ZNF746: variants seen among roughly 807,000 people sequenced by gnomAD.
ZNF746 encodes the protein zinc finger protein 746.
In ZNF746, 13 loss-of-function variants were observed where a neutral mutation model predicts 41.0. The ratio of observed to expected loss-of-function variants is 0.32; its 90% confidence interval spans 0.21 to 0.50. The LOEUF (loss-of-function observed/expected upper bound fraction) is 0.50. ZNF746 is among the 20% of genes least tolerant of loss of function. ZNF746 has a pLI of 0.98. For synonymous variants in ZNF746, 424 were observed against 396.2 expected, an observed-to-expected ratio of 1.07 and a Z score of -0.83; for missense variants, 811 against 922.9, an observed-to-expected ratio of 0.88 and a Z score of 1.57.
chr7:149,479,377 T>C (rs548163012), intron 4 of ZNF746, among the ~76,000 whole-genome samples: 2 of 152,366 alleles, frequency 1.3e-5, no homozygotes, highest in African/African-American at 4.8e-5. Context: ...AGAAAACATC[T>C]GTCAACTCAT....
chr7:149,480,875 G>T (rs1329546730), intron 4 of ZNF746, among the ~76,000 whole-genome samples: 2 of 152,134 alleles, frequency 1.3e-5, no homozygotes, highest in African/African-American at 4.8e-5. Flanking sequence ...TATAAAGAGG[G>T]GTTCGAAGTT....
At chr7:149,491,132 C>G (rs911183525) in intron 4 of ZNF746, 2 of 152,762 alleles carry the variant, frequency 1.3e-5, no homozygotes, top group South Asian at 2.1e-4. Context: ...AAGGGATGAG[C>G]TGGGAGTCCT....
At position 149,474,831 on chromosome 7, in the gene ZNF746, ACCGCCG is replaced by A. The variant is rs778452903; in HGVS notation, c.1530_1535del (p.Gly513_Gly514del). ...GTGCGCTGCCCCCACCGCTGCCGCC[ACCGCCG>A]CCGCCACTGCCGCTGCCGCCACCGC... On this transcript the variant is annotated inframe_deletion, in exon 7 of 7. Transcript: ENST00000458143. The surrounding 1 kb of genome is among the most constrained non-coding windows in gnomAD (Gnocchi z 6.3). 1,370 of 1,414,460 alleles carry A rather than the reference ACCGCCG, an allele frequency of 9.7e-4. 2 individuals carry two copies. The highest frequency in any genetic ancestry group is 1.2e-3 in the Non-Finnish European group (1,298 of 1,091,316). 87.6% of individuals were successfully genotyped at this position (1,414,460 alleles called of 1,614,324 possible).
intron 4 of ZNF746, 60 bp downstream of exon 4, chr7:149,492,799 T>C: frequency 8.1e-7 from 1 of 1,235,030 alleles, no homozygotes; most frequent in East Asian, 2.4e-5. Context: ...CTTTCTGGCC[T>C]TTCCGTCTCT....
rs1017424834 is a variant in ZNF746 at position 149,473,850 on chromosome 7, G to A, written c.*534C>T. On this transcript the variant is annotated 3_prime_UTR_variant, in exon 7 of 7. Coordinates refer to ENST00000458143, the MANE Select transcript of ZNF746 (RefSeq NM_001394198.1). ...CCGGAGGGGTCCTTCCTGCTGCACT[G>A]AGGTGTGCTCCAAGGGACCCAATGG... is the stretch of plus-strand genomic sequence containing the variant. The A allele has an allele frequency of 1.9e-5, 3 of 160,348 alleles. No homozygotes were observed. The highest frequency in any genetic ancestry group is 7.2e-5 in the African/African-American group (3 of 41,464). The allele number at this position is 160,348 out of a possible 1,614,324, so 9.9% of individuals were successfully genotyped here.
chr7:149,476,129 A>T (rs1800293598), intron 6 of ZNF746, among the ~76,000 whole-genome samples: 1 of 152,156 alleles, frequency 6.6e-6, no homozygotes, highest in African/African-American at 2.4e-5. Context: ...CCTGGCTAAC[A>T]TGGTGAAACG....
At chr7:149,477,389 G>C (rs59184859) in intron 5 of ZNF746, among the ~76,000 whole-genome samples, 175 bp downstream of exon 5, 1,808 of 152,262 alleles carry the variant, frequency 0.012, 36 homozygotes, top group African/African-American at 0.042. Flanking sequence ...AGCCACCCGA[G>C]AGAGGCTCGA....
Position 149,474,826 on chromosome 7 carries a change from C to T in ZNF746, c.1541G>A (p.Gly514Asp). ...GGSGSGGGGGGSGGGSARDGS... is the reference protein window; with the variant it reads ...GGSGSGGGGGDSGGGSARDGS... ...ATCCCGTGCGCTGCCCCCACCGCTGCCGCCACCGCCGCCGCCACTGCCGCT... is the reference window on the plus strand; with the variant it reads ...ATCCCGTGCGCTGCCCCCACCGCTGTCGCCACCGCCGCCGCCACTGCCGCT... The change falls in exon 7 of 7, where the codon GGC (glycine) becomes GAC (aspartate). Residue 514 changes from glycine to aspartate, a missense_variant. This residue lies in a region of ZNF746 where 495 missense variants were observed against 481.6 expected (regional missense o/e 1.03). Coordinates refer to ENST00000458143, the MANE Select transcript of ZNF746 (RefSeq NM_001394198.1). The surrounding 1 kb of genome is among the most constrained non-coding windows in gnomAD (Gnocchi z 6.3). The T allele has an allele frequency of 2.1e-6, 3 of 1,419,298 alleles. No individual in the cohort carries two copies. The highest frequency in any genetic ancestry group is 5.8e-5 in the Admixed American group (2 of 34,198). The allele number at this position is 1,419,298 out of a possible 1,614,324, so 87.9% of individuals were successfully genotyped here. A position where few individuals can be genotyped will look rare whatever the true frequency, so the allele number is the denominator to read the frequency against.
chr7:149,478,450 T>C (rs946217037), intron 4 of ZNF746, among the ~76,000 whole-genome samples: 2 of 152,174 alleles, frequency 1.3e-5, no homozygotes, highest in African/African-American at 4.8e-5. Flanking sequence ...TGGAATCCCA[T>C]GTCCACACAG....
chr7:149,477,170 C>T (rs1259012240), intron 5 of ZNF746, 123 bp from the exon 6 acceptor site: 12 of 1,247,774 alleles, frequency 9.6e-6, no homozygotes, highest in Middle Eastern at 4.7e-4. Context: ...TGAGTGGGCA[C>T]GAGGACCCAA....
chr7:149,492,914 G>A lies in ZNF746; in HGVS notation c.510C>T (p.Cys170=), dbSNP rs534376643. 3 of 1,614,098 alleles carry A rather than the reference G, an allele frequency of 1.9e-6. No individual in the cohort carries two copies. Among genetic ancestry groups the A allele is most frequent in the African/African-American group, 1.3e-5 (1 of 75,030 alleles). The change falls in exon 4 of 7, where the codon TGC becomes TGT. Residue 170 remains cysteine (C), a synonymous_variant. Transcript: ENST00000458143. The part of the protein sequence containing the change: ...LSQIEQGKEP[C]NWRRPGPKIP... ...TCTTGGGGCCAGGGCGGCGCCAGTT[G>A]CAGGGCTCCTTCCCTTGTTCAATCT... is the stretch of plus-strand genomic sequence containing the variant.
chr7:149,477,433 G>A (rs924613305), intron 5 of ZNF746, 131 bp downstream of exon 5: 50 of 1,115,822 alleles, frequency 4.5e-5, no homozygotes, highest in African/African-American at 1.9e-4. Flanking sequence ...ACCTCGAGAC[G>A]GGAAAATTTC....
At chr7:149,480,130 T>C (rs1168936556) in intron 4 of ZNF746, among the ~76,000 whole-genome samples, 1 of 152,034 alleles carries the variant, frequency 6.6e-6, no homozygotes, top group Non-Finnish European at 1.5e-5. Flanking sequence ...ACACACACAT[T>C]CTCAGGAGGA....
In ZNF746 at chr7:149,475,096, C is replaced by T. The variant is rs978232154; in HGVS notation, c.1271G>A (p.Gly424Glu). The T allele has an allele frequency of 3.1e-6, 5 of 1,606,368 alleles. No individual in the cohort carries two copies. Among genetic ancestry groups the T allele is most frequent in the East Asian group, 2.2e-5 (1 of 44,680 alleles). The part of the protein sequence containing the change: ...EGLPYSSPDN[G>E]EAILDPSQAP... ...CTGGCTGGGGTCCAAGATGGCCTCT[C>T]CGTTGTCCGGGGAGGAGTAAGGAAG... The change falls in exon 7 of 7, where the codon GGA becomes GAA. Residue 424 changes from glycine to glutamate, a missense_variant. Around this residue, in one of 4 missense-constraint regions of ZNF746, gnomAD observed 495 missense variants for 481.6 expected, o/e 1.03. Transcript: ENST00000458143.
chr7:149,497,057 C>T lies in ZNF746; in HGVS notation c.24+456G>A, dbSNP rs1585746435. ...GGCTCTATATTCCCTTCCGCGCCGA[C>T]CCCGGGAAGCTGGGCACGTAGTGGG... On this transcript the variant is annotated intron_variant, in intron 1 of 6. Coordinates refer to ENST00000458143, the MANE Select transcript of ZNF746 (RefSeq NM_001394198.1). The surrounding 1 kb of genome is among the most constrained non-coding windows in gnomAD (Gnocchi z 4.2). 1.0e-6 allele frequency: 1 copy of T among 985,428 alleles called. No individual in the cohort carries two copies. Among genetic ancestry groups the T allele is most frequent in the African/African-American group, 1.7e-5 (1 of 57,362 alleles). 61.0% of individuals were successfully genotyped at this position (985,428 alleles called of 1,614,324 possible).
In ZNF746 at chr7:149,475,314, G is replaced by A. The variant is rs1051921607; in HGVS notation, c.1053C>T (p.Ser351=). 2.5e-6 allele frequency: 4 copies of A among 1,614,024 alleles called. No homozygotes were observed. The highest frequency in any genetic ancestry group is 3.4e-6 in the Non-Finnish European group (4 of 1,179,986). ...QEGAWESQGS[S]FPSQDPVLGL... ...CCAGCACAGGGTCCTGGCTGGGGAAGGAGCTGCCCTGGCTTTCCCAGGCTC... is the reference window on the plus strand; with the variant it reads ...CCAGCACAGGGTCCTGGCTGGGGAAAGAGCTGCCCTGGCTTTCCCAGGCTC... Residue 351 remains serine (S), a synonymous_variant, in exon 7 of 7, where the codon TCC becomes TCT. Transcript: ENST00000458143.
At chr7:149,496,928 G>GCCCCGGGTTT in intron 1 of ZNF746, 1 of 985,170 alleles carries the variant, frequency 1.0e-6, no homozygotes, top group South Asian at 4.7e-5. Flanking sequence ...AGTTCTCTAG[G>GCCCCGGGTTT]CCCCGGGTTT....
rs929446237 is a variant in ZNF746 at position 149,474,546 on chromosome 7, G to A, written c.1821C>T (p.Gly607=). Residue 607 remains glycine, a synonymous_variant, in exon 7 of 7, where the codon GGC becomes GGT. Transcript: ENST00000458143. The surrounding 1 kb of genome is among the most constrained non-coding windows in gnomAD (Gnocchi z 6.3). ...LRKHQRNHAA[G]AKTPARGQPL... is the part of the protein sequence containing the mutation. ...GCTGGCCTCGGGCCGGGGTCTTGGC[G>A]CCCGCTGCATGGTTGCGCTGGTGCT... 1 of 1,607,924 alleles carries A rather than the reference G, an allele frequency of 6.2e-7. No individual in the cohort carries two copies. Among genetic ancestry groups the A allele is most frequent in the Non-Finnish European group, 8.5e-7 (1 of 1,177,412 alleles).
In ZNF746 at chr7:149,475,316, A is replaced by C. The variant is rs1304573681; in HGVS notation, c.1051T>G (p.Ser351Ala). Residue 351 changes from serine to alanine, a missense_variant, in exon 7 of 7, where the codon TCC becomes GCC. Coordinates refer to ENST00000458143, the MANE Select transcript of ZNF746 (RefSeq NM_001394198.1). ...QEGAWESQGS[S>A]FPSQDPVLGL... is the part of the protein sequence containing the mutation. Reference sequence around the variant, plus strand: ...AGCACAGGGTCCTGGCTGGGGAAGGAGCTGCCCTGGCTTTCCCAGGCTCCT... The same window carrying C: ...AGCACAGGGTCCTGGCTGGGGAAGGCGCTGCCCTGGCTTTCCCAGGCTCCT... 1.2e-6 allele frequency: 2 copies of C among 1,613,758 alleles called. No homozygotes were observed. Among genetic ancestry groups the C allele is most frequent in the African/African-American group, 2.7e-5 (2 of 74,886 alleles).
Sources: allele counts gnomAD v4.1 joint callset (sites outside exome capture counted in the v4.1 genomes callset), GRCh38; gene constraint gnomAD v4.1.1; regional missense constraint gnomAD v4.1.1; non-coding constraint Gnocchi (gnomAD v3.1); transcripts MANE v1.5; gene names NCBI Gene and HGNC (gene_info 2026-07-23, HGNC 2026-07-21).